PLPP3: variants seen among roughly 807,000 people sequenced by gnomAD.
The protein encoded by PLPP3 is phospholipid phosphatase 3.
Under a neutral mutation model 29.6 loss-of-function variants are expected in PLPP3, and 6 were observed. The observed-to-expected ratio is 0.20, with a 90% CI of 0.11 to 0.40. The LOEUF (loss-of-function observed/expected upper bound fraction) is 0.40. PLPP3 is among the 10% of genes least tolerant of loss of function. The probability of loss-of-function intolerance (pLI) is 1.00; values close to 1 mark genes in which losing one functional copy is unlikely to be tolerated. For synonymous variants in PLPP3, 152 were observed against 159.7 expected, an observed-to-expected ratio of 0.95 and a Z score of 0.36; for missense variants, 308 against 407.7, an observed-to-expected ratio of 0.76 and a Z score of 2.11.
chr1:56,523,727 G>A, intron 4 of PLPP3, 96 bp downstream of exon 4: 1 of 1,347,356 alleles, frequency 7.4e-7, no homozygotes, highest in South Asian at 1.2e-5. Context: ...GGATTTCACA[G>A]TGATGGCATG....
At position 56,579,036 on chromosome 1, in the gene PLPP3, G is replaced by A; in HGVS notation, c.-20C>T. On this transcript the variant is annotated 5_prime_UTR_variant, in exon 1 of 6. Coordinates refer to ENST00000371250, the MANE Select transcript of PLPP3 (RefSeq NM_003713.5). ...TTGCATGGCGCTGGCTGCGGCGCGAGCCTCCCGCCCCGCGAAGACGTCCCG... is the reference window on the plus strand; with the variant it reads ...TTGCATGGCGCTGGCTGCGGCGCGAACCTCCCGCCCCGCGAAGACGTCCCG... 1.3e-6 allele frequency: 2 copies of A among 1,581,644 alleles called. No individual in the cohort carries two copies. The highest frequency in any genetic ancestry group is 2.3e-5 in the South Asian group (2 of 88,800).
chr1:56,563,856 T>C (rs962858431), intron 1 of PLPP3, among the ~76,000 whole-genome samples: 3 of 152,212 alleles, frequency 2.0e-5, no homozygotes, highest in Non-Finnish European at 4.4e-5. Flanking sequence ...ACATATTAAG[T>C]ATTCAGTAAA....
intron 1 of PLPP3, among the ~76,000 whole-genome samples, chr1:56,549,236 T>A (rs2100280576): frequency 6.6e-6 from 1 of 152,292 alleles, no homozygotes; most frequent in South Asian, 2.1e-4. Context: ...GCCGTTCTTT[T>A]TGCCTACTGG....
At chr1:56,544,598 C>G (rs1414327894) in intron 1 of PLPP3, among the ~76,000 whole-genome samples, 1 of 152,076 alleles carries the variant, frequency 6.6e-6, no homozygotes, top group African/African-American at 2.4e-5. Flanking sequence ...AGACAAAAGA[C>G]CAAGGGTCAG....
At chr1:56,535,368 G>T (rs1434235961) in intron 2 of PLPP3, among the ~76,000 whole-genome samples, 1 of 152,180 alleles carries the variant, frequency 6.6e-6, no homozygotes, top group East Asian at 1.9e-4. Flanking sequence ...CACTGGACAA[G>T]AGATAACAAT....
chr1:56,561,048 C>T (rs1345846830), intron 1 of PLPP3, among the ~76,000 whole-genome samples: 1 of 150,166 alleles, frequency 6.7e-6, no homozygotes, highest in Non-Finnish European at 1.5e-5. Context: ...GGGGTTTCAC[C>T]ATGTTAGCCA....
At chr1:56,555,276 T>C (rs1373351424) in intron 1 of PLPP3, among the ~76,000 whole-genome samples, 1 of 151,220 alleles carries the variant, frequency 6.6e-6, no homozygotes, top group Non-Finnish European at 1.5e-5. Context: ...CGGGGACTTT[T>C]ATCTGTCCCC....
At chr1:56,572,387 G>A (rs1041603) in intron 1 of PLPP3, among the ~76,000 whole-genome samples, 2 of 151,882 alleles carry the variant, frequency 1.3e-5, no homozygotes, top group South Asian at 4.1e-4. Context: ...CTGGGCTGTT[G>A]AATGACAGGA....
chr1:56,499,125 A>C (rs1322984349), intron 5 of PLPP3, among the ~76,000 whole-genome samples: 1 of 132,804 alleles, frequency 7.5e-6, no homozygotes, highest in Non-Finnish European at 1.6e-5. Flanking sequence ...TACCACCTCA[A>C]TCTACTGGCT....
At chr1:56,532,038 T>A (rs1451009117) in intron 2 of PLPP3, among the ~76,000 whole-genome samples, 1 of 152,192 alleles carries the variant, frequency 6.6e-6, no homozygotes, top group East Asian at 1.9e-4. Context: ...TAGTCATGAA[T>A]CCCTAAGAGC....
At chr1:56,535,337 G>A (rs10888978) in intron 2 of PLPP3, among the ~76,000 whole-genome samples, 14,559 of 152,112 alleles carry the variant, frequency 0.096, 874 homozygotes, top group South Asian at 0.17. Flanking sequence ...CATTTTTCAC[G>A]TGTATCCCCA....
intron 5 of PLPP3, among the ~76,000 whole-genome samples, chr1:56,505,995 T>A (rs1253667528): frequency 6.6e-6 from 1 of 151,994 alleles, no homozygotes; most frequent in East Asian, 1.9e-4. Context: ...TGCCTAAGAG[T>A]GGGGGCCAGC....
At chr1:56,546,304 C>T (rs925153468) in intron 1 of PLPP3, among the ~76,000 whole-genome samples, 1 of 152,138 alleles carries the variant, frequency 6.6e-6, no homozygotes, top group Non-Finnish European at 1.5e-5. Context: ...TTTCTTATAC[C>T]TGGTCCACTG....
intron 2 of PLPP3, among the ~76,000 whole-genome samples, chr1:56,531,000 C>G (rs946505070): frequency 2.0e-5 from 3 of 152,178 alleles, no homozygotes; most frequent in Non-Finnish European, 2.9e-5. Context: ...GAGTTTGGCT[C>G]TTTGACTTAT....
chr1:56,558,515 T>C (rs1410533740), intron 1 of PLPP3, among the ~76,000 whole-genome samples: 2 of 152,230 alleles, frequency 1.3e-5, no homozygotes, highest in Admixed American at 1.3e-4. Context: ...CTCTTATGCA[T>C]TTATTTGTTC....
rs1557513696 is a variant in PLPP3 at position 56,557,031 on chromosome 1, AGAGAGAGAGAGAGAGAGAGAG to A, written c.140-19940_140-19920del. ...GAAAGAGAGAGAGAGAGAGAAAGAG[AGAGAGAGAGAGAGAGAGAGAG>A]AGAGAGAAAGAAAGAAAGAAAGAAA... On this transcript the variant is annotated intron_variant, in intron 1 of 5. Transcript: ENST00000371250. Among the ~76,000 whole-genome samples the A allele has an allele frequency of 1.5e-3, 57 of 38,302 alleles. 17 individuals are homozygous for A. Among genetic ancestry groups the A allele is most frequent in the Non-Finnish European group, 2.5e-3 (35 of 14,254 alleles). The allele number at this position is 38,302 out of a possible 152,430, so 25.1% of individuals were successfully genotyped here.
intron 1 of PLPP3, among the ~76,000 whole-genome samples, chr1:56,577,443 T>C (rs1646243988): frequency 6.6e-6 from 1 of 152,216 alleles, no homozygotes; most frequent in Non-Finnish European, 1.5e-5. Flanking sequence ...AGCACAATTA[T>C]ACCTTCAGCT....
intron 4 of PLPP3, among the ~76,000 whole-genome samples, chr1:56,522,361 T>C (rs1001103605): frequency 1.1e-4 from 17 of 152,174 alleles, no homozygotes; most frequent in Non-Finnish European, 1.5e-4. Context: ...TGAAGGGATA[T>C]GAAAAAAATG....
chr1:56,496,540 G>C lies in PLPP3; in HGVS notation c.*11C>G. 1 of 1,613,768 alleles carries C rather than the reference G, an allele frequency of 6.2e-7. No individual in the cohort carries two copies. The highest frequency in any genetic ancestry group is 1.7e-5 in the Admixed American group (1 of 60,010). On this transcript the variant is annotated 3_prime_UTR_variant, in exon 6 of 6. Transcript: ENST00000371250. The stretch of plus-strand genomic sequence containing the variant: ...TCATTTTACAAAAACAGCTCAGGAG[G>C]TGGGTGGCACCTACATCATGTTGTG...
Sources: gnomAD v4.1 joint callset for allele counts (sites outside exome capture counted in the v4.1 genomes callset) on GRCh38, gnomAD v4.1.1 for gene constraint, MANE v1.5 for transcripts, NCBI Gene and HGNC (gene_info 2026-07-23, HGNC 2026-07-21) for gene names.